SAMD5: variants seen among roughly 807,000 people sequenced by gnomAD.
The protein encoded by SAMD5 is sterile alpha motif domain-containing protein 5.
In SAMD5, 13 loss-of-function variants were observed where a neutral mutation model predicts 11.3. That is an observed-to-expected ratio of 1.15 (90% CI 0.75 to 1.83). The LOEUF (loss-of-function observed/expected upper bound fraction) is 1.83, where lower values mean the gene tolerates loss of function less well. Ranked by LOEUF, SAMD5 falls within the 40% of genes most tolerant of loss-of-function variation. The pLI, the probability that SAMD5 is intolerant of heterozygous loss-of-function variation, is 0.00. For synonymous variants in SAMD5, 129 were observed against 111.3 expected (o/e 1.16, Z -1.00); for missense variants, 255 against 239.1 (o/e 1.07, Z -0.44).
At chr6:147,857,111 T>C in the SAMD5 span, among the ~76,000 whole-genome samples, 3 of 151,668 alleles carry the variant, frequency 2.0e-5, no homozygotes, top group African/African-American at 4.9e-5. Flanking sequence ...CCAACCACTG[T>C]AGAGAACAAG....
the SAMD5 span, among the ~76,000 whole-genome samples, chr6:147,886,429 G>A: frequency 1.3e-5 from 2 of 152,000 alleles, no homozygotes; most frequent in Non-Finnish European, 2.9e-5. Flanking sequence ...CTATGAAGAA[G>A]AGGAGAGAGA....
chr6:147,516,801 G>A (rs763997261), intron 1 of SAMD5, among the ~76,000 whole-genome samples: 33 of 152,200 alleles, frequency 2.2e-4, no homozygotes, highest in Non-Finnish European at 4.3e-4. Flanking sequence ...CGGCAGCCTG[G>A]ACCTGCTGCA....
intron 1 of SAMD5, among the ~76,000 whole-genome samples, chr6:147,652,281 TTTG>T (rs1483253868): frequency 2.6e-5 from 4 of 152,098 alleles, no homozygotes; most frequent in East Asian, 1.9e-4. Flanking sequence ...TGAAGGTTTT[TTTG>T]TTTGTTTGGT....
the SAMD5 span, among the ~76,000 whole-genome samples, chr6:147,791,630 C>T: frequency 2.6e-5 from 4 of 151,950 alleles, no homozygotes; most frequent in African/African-American, 9.7e-5. Flanking sequence ...GCCTGTGAAT[C>T]GTTTCATTGT....
chr6:147,823,398 T>C, the SAMD5 span, among the ~76,000 whole-genome samples: 1 of 152,128 alleles, frequency 6.6e-6, no homozygotes, highest in Admixed American at 6.6e-5. Context: ...GGAATTGCTT[T>C]AACTCTTTAG....
the SAMD5 span, among the ~76,000 whole-genome samples, chr6:147,919,645 C>T: frequency 1.3e-5 from 2 of 152,164 alleles, no homozygotes; most frequent in African/African-American, 2.4e-5. Context: ...AAGGCCTGAC[C>T]ATATTGACTG....
chr6:147,857,799 A>C, the SAMD5 span, among the ~76,000 whole-genome samples: 2 of 152,232 alleles, frequency 1.3e-5, no homozygotes, highest in African/African-American at 4.8e-5. Flanking sequence ...AATTGGCATA[A>C]AATCGGTAAA....
the SAMD5 span, among the ~76,000 whole-genome samples, chr6:147,768,413 A>G: frequency 1.3e-5 from 2 of 152,110 alleles, no homozygotes; most frequent in Non-Finnish European, 2.9e-5. Flanking sequence ...TAAGAGAATC[A>G]CTTGAACCCG....
the SAMD5 span, among the ~76,000 whole-genome samples, chr6:147,804,786 A>G: frequency 6.6e-6 from 1 of 152,330 alleles, no homozygotes. Flanking sequence ...ATTGGCTGAG[A>G]TATTAAGCTG....
intron 1 of SAMD5, among the ~76,000 whole-genome samples, chr6:147,636,273 C>T (rs999665390): frequency 6.6e-6 from 1 of 152,130 alleles, no homozygotes; most frequent in Non-Finnish European, 1.5e-5. Flanking sequence ...GGACTATGAA[C>T]ATGCGAGGTA....
the SAMD5 span, among the ~76,000 whole-genome samples, chr6:147,944,897 T>G: frequency 1.3e-5 from 2 of 152,222 alleles, no homozygotes; most frequent in Admixed American, 6.5e-5. Context: ...TTCCTTGGTT[T>G]GTTGATCCAT....
the SAMD5 span, among the ~76,000 whole-genome samples, chr6:147,839,514 C>T: frequency 7.9e-5 from 12 of 152,128 alleles, no homozygotes. Context: ...TTTGGGGGGG[C>T]TGAGGCAGGT....
At chr6:147,713,851 C>G (rs994592686) in intron 1 of SAMD5, among the ~76,000 whole-genome samples, 2 of 152,134 alleles carry the variant, frequency 1.3e-5, no homozygotes, top group African/African-American at 4.8e-5. Flanking sequence ...TCCCTTGCCT[C>G]CCCTTTCATC....
At chr6:147,596,031 A>G (rs938329297) in intron 1 of SAMD5, among the ~76,000 whole-genome samples, 26 of 152,196 alleles carry the variant, frequency 1.7e-4, no homozygotes, top group African/African-American at 6.0e-4. Flanking sequence ...TATGTTTGGA[A>G]TACATGCTGA....
At chr6:147,556,381 C>T (rs1042523784) in intron 1 of SAMD5, among the ~76,000 whole-genome samples, 16 of 152,274 alleles carry the variant, frequency 1.1e-4, no homozygotes, top group South Asian at 2.1e-4. Context: ...CGTGAGCCAC[C>T]GTGCCCGGCT....
the SAMD5 span, among the ~76,000 whole-genome samples, chr6:147,804,459 C>A: frequency 6.6e-6 from 1 of 152,140 alleles, no homozygotes; most frequent in Non-Finnish European, 1.5e-5. Flanking sequence ...ACCTCCAGAA[C>A]AAAGTCCTCC....
At chr6:147,759,731 A>G in the SAMD5 span, among the ~76,000 whole-genome samples, 1 of 152,248 alleles carries the variant, frequency 6.6e-6, no homozygotes, top group East Asian at 1.9e-4. Context: ...AAGTGAAGTC[A>G]TCATTTGGCA....
Position 147,566,512 on chromosome 6 carries a change from C to T in SAMD5, c.*2056C>T, listed in dbSNP as rs2128444831. 3 of 985,686 alleles carry T rather than the reference C, an allele frequency of 3.0e-6. No homozygotes were observed. The East Asian group carries it at 3.4e-4, about 112-fold the overall frequency. The allele number at this position is 985,686 out of a possible 1,614,324, so 61.1% of individuals were successfully genotyped here. A position where few individuals can be genotyped will look rare whatever the true frequency, so the allele number is the denominator to read the frequency against. ...AGGAAGGACTCAATTTTTGAAAAAT[C>T]TGTTATTTTCACTGTGGGCCTTATG... On this transcript the variant is annotated 3_prime_UTR_variant, in exon 2 of 2. Coordinates refer to ENST00000367474, the MANE Select transcript of SAMD5 (RefSeq NM_001030060.3).
At chr6:147,675,988 C>T (rs752819810) in intron 1 of SAMD5, 14 of 152,148 alleles carry the variant, frequency 9.2e-5, no homozygotes, top group Non-Finnish European at 2.1e-4. Context: ...AGCACAGTTA[C>T]CTTTTAACTG....
Sources: allele counts gnomAD v4.1 joint callset (sites outside exome capture counted in the v4.1 genomes callset), GRCh38; gene constraint gnomAD v4.1.1; transcripts MANE v1.5; gene names NCBI Gene and HGNC (gene_info 2026-07-23, HGNC 2026-07-21).